BDKRB2: variants seen among roughly 807,000 people sequenced by gnomAD.
The protein encoded by BDKRB2 is bradykinin receptor B2.
In BDKRB2, 6 loss-of-function variants were observed where a neutral mutation model predicts 4.0. That is an observed-to-expected ratio of 1.49 (90% CI 0.81 to 2.93). The LOEUF (loss-of-function observed/expected upper bound fraction) is 2.93, where lower values mean the gene tolerates loss of function less well. Among genes scored for constraint, BDKRB2 ranks in the 30% most tolerant of loss-of-function variants. The probability of loss-of-function intolerance (pLI) is 0.00; values close to 1 mark genes in which losing one functional copy is unlikely to be tolerated. For missense variants in BDKRB2, 478 were observed against 520.1 expected, an observed-to-expected ratio of 0.92 and a Z score of 0.79; for synonymous variants, 225 against 215.3, an observed-to-expected ratio of 1.05 and a Z score of -0.40.
chr14:96,219,057 G>A (rs144100145), intron 1 of BDKRB2, among the ~76,000 whole-genome samples: 106 of 152,002 alleles, frequency 7.0e-4, no homozygotes, highest in Admixed American at 3.3e-3. Flanking sequence ...TAATCACAGC[G>A]CTTTGGGAGG....
chr14:96,242,868 C>A lies in BDKRB2; in HGVS notation c.*1364C>A, dbSNP rs200526484. On this transcript the variant is annotated 3_prime_UTR_variant, in exon 3 of 3. Coordinates refer to ENST00000554311, the MANE Select transcript of BDKRB2 (RefSeq NM_001379692.1). ...TTATTGGAAGGTGGCCCAGTATGAGCCCTAGAAGAGTGTGAAAAGGAATGG... is the reference window on the plus strand; with the variant it reads ...TTATTGGAAGGTGGCCCAGTATGAGACCTAGAAGAGTGTGAAAAGGAATGG... 6.6e-6 allele frequency: 1 copy of A among 152,524 alleles called. No individual in the cohort carries two copies. Among genetic ancestry groups the A allele is most frequent in the Non-Finnish European group, 1.5e-5 (1 of 68,310 alleles). 9.4% of individuals were successfully genotyped at this position (152,524 alleles called of 1,614,324 possible).
At chr14:96,231,947 C>T (rs576425771) in intron 1 of BDKRB2, among the ~76,000 whole-genome samples, 1 of 152,294 alleles carries the variant, frequency 6.6e-6, no homozygotes, top group African/African-American at 2.4e-5. Flanking sequence ...TGGAGCCCAG[C>T]TGTCTCAAGA....
intron 1 of BDKRB2, among the ~76,000 whole-genome samples, chr14:96,216,804 G>C (rs911417490): frequency 6.8e-6 from 1 of 148,004 alleles, no homozygotes; most frequent in Non-Finnish European, 1.5e-5. Flanking sequence ...AGTAGGAGAA[G>C]AAGAAGGAGG....
At chr14:96,216,551 G>T (rs1890420426) in intron 1 of BDKRB2, among the ~76,000 whole-genome samples, 1 of 151,832 alleles carries the variant, frequency 6.6e-6, no homozygotes, top group African/African-American at 2.4e-5. Context: ...TGAACCCGGT[G>T]GGTAGAGGCT....
Position 96,240,980 on chromosome 14 carries a change from C to G in BDKRB2, c.652C>G (p.Leu218Val), listed in dbSNP as rs781468888. Residue 218 changes from leucine (L) to valine (V), a missense_variant, in exon 3 of 3, where the codon CTC becomes GTC. Transcript: ENST00000554311. ...CGCTTGTGTCATCAGCTACCCATCC[C>G]TCATCTGGGAAGTGTTCACCAACAT... ...VTACVISYPS[L>V]IWEVFTNMLL... The G allele has an allele frequency of 1.3e-6, 2 of 1,596,380 alleles. No individual in the cohort carries two copies. Among genetic ancestry groups the G allele is most frequent in the Non-Finnish European group, 1.7e-6 (2 of 1,168,894 alleles).
At chr14:96,205,285 C>T (rs1272761007) in intron 1 of BDKRB2, among the ~76,000 whole-genome samples, 1 of 152,146 alleles carries the variant, frequency 6.6e-6, no homozygotes, top group Non-Finnish European at 1.5e-5. Context: ...TGGAGTAAGG[C>T]AGCGAGGTGT....
chr14:96,240,159 T>C, intron 2 of BDKRB2: 1 of 1,238,136 alleles, frequency 8.1e-7, no homozygotes, highest in Non-Finnish European at 1.0e-6. Flanking sequence ...CAAGGAAATA[T>C]CCCAGTGGAG....
chr14:96,222,354 G>C (rs1461370774), intron 1 of BDKRB2, among the ~76,000 whole-genome samples: 4 of 152,000 alleles, frequency 2.6e-5, no homozygotes, highest in Non-Finnish European at 1.5e-5. Context: ...AGGCATGATG[G>C]ATAATAAATT....
intron 1 of BDKRB2, 21 bp from the exon 2 acceptor site, chr14:96,237,048 C>T: frequency 2.8e-6 from 4 of 1,422,446 alleles, no homozygotes; most frequent in Non-Finnish European, 2.0e-6. Flanking sequence ...GCCATCTAAC[C>T]ATCTTTTCTT....
Position 96,241,263 on chromosome 14 carries a change from T to C in BDKRB2, c.935T>C (p.Val312Ala). ...TGCCAGGACGAGCGCATCATCGATG[T>C]AATCACACAGATCGCCTCCTTCATG... is the stretch of plus-strand genomic sequence containing the variant. ...SSCQDERIID[V>A]ITQIASFMAY... Residue 312 changes from valine to alanine, a missense_variant, in exon 3 of 3, where the codon GTA becomes GCA. Physicochemically the swap from Val to Ala is moderately conservative, Grantham distance 64. Coordinates refer to ENST00000554311, the MANE Select transcript of BDKRB2 (RefSeq NM_001379692.1). The C allele has an allele frequency of 6.2e-7, 1 of 1,613,958 alleles. No homozygotes were observed. Among genetic ancestry groups the C allele is most frequent in the Non-Finnish European group, 8.5e-7 (1 of 1,179,848 alleles).
intron 1 of BDKRB2, among the ~76,000 whole-genome samples, chr14:96,209,341 G>T (rs781590675): frequency 6.6e-6 from 1 of 152,210 alleles, no homozygotes; most frequent in Non-Finnish European, 1.5e-5. Flanking sequence ...GAAGAGTCAT[G>T]AGACTTAGTG....
chr14:96,209,225 T>G (rs941804696), intron 1 of BDKRB2, among the ~76,000 whole-genome samples: 1 of 152,172 alleles, frequency 6.6e-6, no homozygotes, highest in African/African-American at 2.4e-5. Flanking sequence ...TCTCAATCAA[T>G]CAAGGTTCAT....
intron 1 of BDKRB2, among the ~76,000 whole-genome samples, chr14:96,206,381 A>G (rs992906014): frequency 6.6e-6 from 1 of 152,084 alleles, no homozygotes; most frequent in East Asian, 1.9e-4. Context: ...TCAGAGGGGG[A>G]ACATGACCTC....
At position 96,241,392 on chromosome 14, in the gene BDKRB2, G is replaced by A. The variant is rs1419536397; in HGVS notation, c.1064G>A (p.Gly355Asp). ...EVYQGVCQKG[G>D]CRSEPIQMEN... ...TACCAGGGAGTGTGCCAGAAAGGGG[G>A]CTGCAGGTCAGAACCCATTCAGATG... is the stretch of plus-strand genomic sequence containing the variant. The change falls in exon 3 of 3, where the codon GGC becomes GAC. Residue 355 changes from glycine to aspartate, a missense_variant. Transcript: ENST00000554311. 1.4e-5 allele frequency: 23 copies of A among 1,612,542 alleles called. No homozygotes were observed. The highest frequency in any genetic ancestry group is 2.2e-5 in the South Asian group (2 of 91,066).
In BDKRB2 at chr14:96,242,323, A is replaced by ACAATAACTATTGCACAACTATTGCT. The variant is rs1292023624; in HGVS notation, c.*822_*823insTAACTATTGCACAACTATTGCTCAA. On this transcript the variant is annotated 3_prime_UTR_variant, in exon 3 of 3. Coordinates refer to ENST00000554311, the MANE Select transcript of BDKRB2 (RefSeq NM_001379692.1). Reference sequence around the variant, plus strand: ...TTCCAGCTCAACCAATAACTATTGCACAACCATCTGTCCCTGCCTCAGTTC... The same window carrying ACAATAACTATTGCACAACTATTGCT: ...TTCCAGCTCAACCAATAACTATTGCACAATAACTATTGCACAACTATTGCTCAACCATCTGTCCCTGCCTCAGTTC... 2.0e-5 allele frequency: 3 copies of ACAATAACTATTGCACAACTATTGCT among 152,216 alleles called. No homozygotes were observed. Among genetic ancestry groups the ACAATAACTATTGCACAACTATTGCT allele is most frequent in the Non-Finnish European group, 4.4e-5 (3 of 68,046 alleles). The allele number at this position is 152,216 out of a possible 1,614,324, so 9.4% of individuals were successfully genotyped here.
chr14:96,241,673 G>A lies in BDKRB2; in HGVS notation c.*169G>A, dbSNP rs1236708592. On this transcript the variant is annotated 3_prime_UTR_variant, in exon 3 of 3. Transcript: ENST00000554311. ...TTCCTGCCCTGCCCAATTTTGCAGG[G>A]AGCATGGCTGTGAGGATGGGGTGAA... 5.1e-6 allele frequency: 6 copies of A among 1,180,686 alleles called. No individual in the cohort carries two copies. In the African/African-American group the frequency reaches 7.7e-5, roughly 15 times the overall value. 73.1% of individuals were successfully genotyped at this position (1,180,686 alleles called of 1,614,324 possible). A position where few individuals can be genotyped will look rare whatever the true frequency, so the allele number is the denominator to read the frequency against.
chr14:96,209,324 G>A (rs1890253501), intron 1 of BDKRB2, among the ~76,000 whole-genome samples: 1 of 152,212 alleles, frequency 6.6e-6, no homozygotes, highest in Admixed American at 6.5e-5. Flanking sequence ...TGTGGCCTAT[G>A]CTCTCCGAAG....
chr14:96,206,716 C>T (rs1014982798), intron 1 of BDKRB2, among the ~76,000 whole-genome samples: 1 of 152,206 alleles, frequency 6.6e-6, no homozygotes, highest in Non-Finnish European at 1.5e-5. Flanking sequence ...GCCTCCTCAC[C>T]TGTGCTGCTT....
Position 96,243,044 on chromosome 14 carries a change from AGGGCTAGAACCTGGAG to A in BDKRB2, c.*1553_*1568del, listed in dbSNP as rs368555278. The A allele has an allele frequency of 0.076, 11,416 of 149,346 alleles. 566 individuals are homozygous for A. The highest frequency in any genetic ancestry group is 0.11 in the Non-Finnish European group (7,353 of 68,110). The allele number at this position is 149,346 out of a possible 1,614,324, so 9.3% of individuals were successfully genotyped here. A position where few individuals can be genotyped will look rare whatever the true frequency, so the allele number is the denominator to read the frequency against. ...AGAACTGGAGAGGCTAGAACCAAGA[AGGGCTAGAACCTGGAG>A]GGGCTAGAACCTAGAGAAGCTAAAA... On this transcript the variant is annotated 3_prime_UTR_variant, in exon 3 of 3. Transcript: ENST00000554311.
Sources: gnomAD v4.1 joint callset for allele counts (sites outside exome capture counted in the v4.1 genomes callset) on GRCh38, gnomAD v4.1.1 for gene constraint, MANE v1.5 for transcripts, NCBI Gene and HGNC (gene_info 2026-07-23, HGNC 2026-07-21) for gene names.